Variants in GRIN2A observed in about 807,000 individuals in gnomAD.
GRIN2A encodes glutamate receptor ionotropic, NMDA 2A.
A neutral mutation model predicts 113.4 loss-of-function variants in GRIN2A; 22 were observed. The observed-to-expected ratio is 0.19, with a 90% CI of 0.14 to 0.28. The LOEUF (loss-of-function observed/expected upper bound fraction) is 0.28. GRIN2A is among the 10% of genes least tolerant of loss of function. The pLI is 1.00. For missense variants in GRIN2A, 1,502 were observed against 1,887.0 expected (o/e 0.80, Z 3.78); for synonymous variants, 827 against 738.4 (o/e 1.12, Z -1.94).
chr16:10,034,736 C>A (rs776827929), intron 2 of GRIN2A, among the ~76,000 whole-genome samples: 39 of 151,936 alleles, frequency 2.6e-4, no homozygotes, highest in Non-Finnish European at 4.7e-4. Context: ...AAAGATTCCC[C>A]AAATCTAGAG....
intron 3 of GRIN2A, among the ~76,000 whole-genome samples, chr16:9,925,040 C>G (rs1255636030): frequency 1.3e-5 from 2 of 152,160 alleles, no homozygotes; most frequent in African/African-American, 4.8e-5. Flanking sequence ...TGCTGCTTTG[C>G]ATGCCTGGTA....
chr16:10,035,121 G>A (rs1409398755), intron 2 of GRIN2A, among the ~76,000 whole-genome samples: 1 of 152,074 alleles, frequency 6.6e-6, no homozygotes, highest in African/African-American at 2.4e-5. Context: ...GAACTCTTGG[G>A]CTCCAGTGAA....
intron 2 of GRIN2A, among the ~76,000 whole-genome samples, chr16:10,003,114 A>G (rs758717620): frequency 1.3e-5 from 2 of 152,234 alleles, no homozygotes; most frequent in Non-Finnish European, 2.9e-5. Context: ...CAATCAGTTT[A>G]AAATTAGAAC....
intron 2 of GRIN2A, among the ~76,000 whole-genome samples, chr16:9,988,408 C>A (rs1458106804): frequency 6.6e-6 from 1 of 151,954 alleles, no homozygotes; most frequent in Non-Finnish European, 1.5e-5. Flanking sequence ...TTGAACACAT[C>A]CATACAACCA....
intron 11 of GRIN2A, among the ~76,000 whole-genome samples, chr16:9,784,058 A>G (rs1902076443): frequency 6.6e-6 from 1 of 152,206 alleles, no homozygotes; most frequent in Non-Finnish European, 1.5e-5. Flanking sequence ...AATCTGTACA[A>G]CAAACCCCCA....
chr16:10,148,062 A>C (rs2049482495), intron 2 of GRIN2A, among the ~76,000 whole-genome samples: 2 of 151,874 alleles, frequency 1.3e-5, no homozygotes, highest in African/African-American at 4.8e-5. Flanking sequence ...TTGCTACCCT[A>C]CTGGTTGCTC....
At chr16:10,122,167 G>A (rs12448926) in intron 2 of GRIN2A, among the ~76,000 whole-genome samples, 86,974 of 151,910 alleles carry the variant, frequency 0.57, 24,983 homozygotes, top group Middle Eastern at 0.63. Flanking sequence ...AGCTTGACCA[G>A]CAAAGTCCCC....
At chr16:10,078,006 T>G (rs9940458) in intron 2 of GRIN2A, among the ~76,000 whole-genome samples, 22,874 of 152,176 alleles carry the variant, frequency 0.15, 2,438 homozygotes, top group African/African-American at 0.3. Flanking sequence ...CTAAGCCTCT[T>G]TTTCCTCATC....
At position 9,877,096 on chromosome 16, in the gene GRIN2A, A is replaced by C. The variant is rs2043383261; in HGVS notation, c.1122+13890T>G. ...CAAGCACTAAACTTGGAGACTCACA[A>C]GACCTAAATTTGAATCCTTTCTCAG... On this transcript the variant is annotated intron_variant, in intron 4 of 12. Coordinates refer to ENST00000330684, the MANE Select transcript of GRIN2A (RefSeq NM_001134407.3). 2.0e-5 allele frequency among the ~76,000 whole-genome samples: 3 copies of C among 152,348 alleles called. No individual in the cohort carries two copies. In the South Asian group the frequency reaches 6.2e-4, roughly 32 times the overall value.
At chr16:9,883,194 T>C (rs183151110) in intron 4 of GRIN2A, among the ~76,000 whole-genome samples, 4 of 152,280 alleles carry the variant, frequency 2.6e-5, no homozygotes, top group Admixed American at 2.0e-4. Flanking sequence ...CTAAATGAGA[T>C]AATGAATGTA....
intron 3 of GRIN2A, among the ~76,000 whole-genome samples, chr16:9,933,899 C>A (rs751772904): frequency 2.6e-5 from 4 of 152,174 alleles, no homozygotes; most frequent in Non-Finnish European, 5.9e-5. Context: ...ACATTAGACA[C>A]CATTTTTGTA....
chr16:10,040,807 T>A (rs1567255247), intron 2 of GRIN2A, among the ~76,000 whole-genome samples: 2 of 152,234 alleles, frequency 1.3e-5, no homozygotes, highest in African/African-American at 4.8e-5. Context: ...TGTTCCTGAA[T>A]AAGCCGCTCT....
intron 2 of GRIN2A, among the ~76,000 whole-genome samples, chr16:10,152,413 C>T (rs970481729): frequency 2.0e-5 from 3 of 152,136 alleles, no homozygotes; most frequent in African/African-American, 7.2e-5. Flanking sequence ...TAGCATTTAA[C>T]GTGGACATAA....
chr16:10,138,870 C>T (rs1488643942), intron 2 of GRIN2A, among the ~76,000 whole-genome samples: 2 of 152,064 alleles, frequency 1.3e-5, no homozygotes, highest in Non-Finnish European at 2.9e-5. Context: ...TATAGAATTG[C>T]TTGAGGATAG....
chr16:9,911,477 C>T (rs569446576), intron 3 of GRIN2A, among the ~76,000 whole-genome samples: 163 of 152,208 alleles, frequency 1.1e-3, no homozygotes, highest in African/African-American at 3.2e-3. Context: ...TTTAACTATC[C>T]GTAGCCTGTT....
At chr16:9,788,069 C>T (rs1474887425) in intron 11 of GRIN2A, among the ~76,000 whole-genome samples, 1 of 152,186 alleles carries the variant, frequency 6.6e-6, no homozygotes, top group Non-Finnish European at 1.5e-5. Context: ...TCATCTGCAG[C>T]ATGGCTAATT....
chr16:10,074,356 C>T (rs2047826054), intron 2 of GRIN2A, among the ~76,000 whole-genome samples: 1 of 152,210 alleles, frequency 6.6e-6, no homozygotes, highest in South Asian at 2.1e-4. Context: ...CCTATATGAT[C>T]CAGCAATTCC....
In GRIN2A at chr16:9,983,613, G is replaced by C. The variant is rs369384460; in HGVS notation, c.415-45062C>G. Among the ~76,000 whole-genome samples, 43 of 152,028 alleles carry C rather than the reference G, an allele frequency of 2.8e-4. 1 individual carries two copies. Among genetic ancestry groups the C allele is most frequent in the African/African-American group, 9.9e-4 (41 of 41,482 alleles). The stretch of plus-strand genomic sequence containing the variant: ...CGCCACTATACCCAGCTAATTTTTT[G>C]TATTTTTAGTAGAGACGGAGTTTCA... On this transcript the variant is annotated intron_variant, in intron 2 of 12. Transcript: ENST00000330684.
At chr16:10,072,953 T>TC (rs1249776263) in intron 2 of GRIN2A, among the ~76,000 whole-genome samples, 2 of 138,860 alleles carry the variant, frequency 1.4e-5, no homozygotes, top group African/African-American at 5.1e-5. Flanking sequence ...CCCCTTTTTT[T>TC]TTTTTTTTTT....
Sources: gnomAD v4.1 joint callset for allele counts (sites outside exome capture counted in the v4.1 genomes callset) on GRCh38, gnomAD v4.1.1 for gene constraint, MANE v1.5 for transcripts, NCBI Gene and HGNC (gene_info 2026-07-23, HGNC 2026-07-21) for gene names.